HECW2: variants seen among roughly 807,000 people sequenced by gnomAD.
The protein encoded by HECW2 is E3 ubiquitin-protein ligase HECW2.
A neutral mutation model predicts 175.2 loss-of-function variants in HECW2; 61 were observed. That is an observed-to-expected ratio of 0.35 (90% CI 0.28 to 0.43). The LOEUF is 0.43. Among genes scored for constraint, HECW2 ranks in the 20% least tolerant of loss-of-function variants. The pLI, the probability that HECW2 is intolerant of heterozygous loss-of-function variation, is 1.00. For synonymous variants in HECW2, 671 were observed against 731.0 expected (o/e 0.92, Z 1.32); for missense variants, 1,524 against 2,000.5 (o/e 0.76, Z 4.54).
At chr2:196,565,778 A>T (rs1690166274) in intron 1 of HECW2, among the ~76,000 whole-genome samples, 1 of 152,228 alleles carries the variant, frequency 6.6e-6, no homozygotes. Context: ...TGTCTATAAA[A>T]TAATAAAGAA....
chr2:196,297,387 T>C (rs1197041826), intron 13 of HECW2, among the ~76,000 whole-genome samples: 1 of 152,200 alleles, frequency 6.6e-6, no homozygotes, highest in Non-Finnish European at 1.5e-5. Flanking sequence ...AGAACTTAAA[T>C]GTGTTTTTGT....
chr2:196,364,222 C>A (rs118038053), intron 2 of HECW2, among the ~76,000 whole-genome samples: 14 of 152,188 alleles, frequency 9.2e-5, no homozygotes, highest in Admixed American at 5.2e-4. Context: ...GGATTACCCA[C>A]GTATTACCAA....
intron 1 of HECW2, among the ~76,000 whole-genome samples, chr2:196,467,986 G>A (rs1404537904): frequency 6.6e-5 from 10 of 152,088 alleles, no homozygotes; most frequent in African/African-American, 2.2e-4. Context: ...GCCAGTAGCC[G>A]GTAACAACCC....
At chr2:196,531,564 A>C (rs1688840535) in intron 1 of HECW2, among the ~76,000 whole-genome samples, 1 of 151,660 alleles carries the variant, frequency 6.6e-6, no homozygotes, top group Admixed American at 6.6e-5. Context: ...CAGGAGGCTG[A>C]GGCAGGAGAA....
intron 1 of HECW2, among the ~76,000 whole-genome samples, chr2:196,507,122 CAT>C (rs1396723341): frequency 1.3e-4 from 19 of 148,618 alleles, no homozygotes; most frequent in East Asian, 3.9e-4. Flanking sequence ...CACACACTAA[CAT>C]GTGTATATTA....
intron 1 of HECW2, among the ~76,000 whole-genome samples, chr2:196,504,606 T>C (rs1687691507): frequency 6.6e-6 from 1 of 152,194 alleles, no homozygotes; most frequent in African/African-American, 2.4e-5. Flanking sequence ...GTCTACTCTT[T>C]AGAGTTCAGC....
rs1012817854 is a variant in HECW2 at position 196,283,460 on chromosome 2, C to A, written c.3001-4798G>T. On this transcript the variant is annotated intron_variant, in intron 14 of 28. Coordinates refer to ENST00000644978, the MANE Select transcript of HECW2 (RefSeq NM_001348768.2). ...GCACAATCTTGGCTCCCTGCAACCTCTGCCTCCCAGGTTCAAGTGACTCTC... is the reference window on the plus strand; with the variant it reads ...GCACAATCTTGGCTCCCTGCAACCTATGCCTCCCAGGTTCAAGTGACTCTC... Among the ~76,000 whole-genome samples the A allele has an allele frequency of 3.3e-5, 5 of 150,624 alleles. No individual in the cohort carries two copies. The South Asian group carries it at 6.3e-4, about 19-fold the overall frequency.
At chr2:196,324,827 G>C (rs944713392) in intron 6 of HECW2, among the ~76,000 whole-genome samples, 153 bp downstream of exon 6, 6 of 152,132 alleles carry the variant, frequency 3.9e-5, no homozygotes, top group African/African-American at 1.4e-4. Context: ...TGGCTCTGGA[G>C]AGATGGGAAT....
chr2:196,223,511 T>A (rs7585681), intron 23 of HECW2, among the ~76,000 whole-genome samples: 150,815 of 152,338 alleles, frequency 0.99, 74,672 homozygotes, highest in Middle Eastern at 1. Context: ...AAGGCATGGA[T>A]GTGTACAGGA....
Position 196,507,153 on chromosome 2 carries a change from TTA to T in HECW2, c.-35-73697_-35-73696del, listed in dbSNP as rs1280072680. On this transcript the variant is annotated intron_variant, in intron 1 of 28. Coordinates refer to ENST00000644978, the MANE Select transcript of HECW2 (RefSeq NM_001348768.2). ...TATATTACACACGTTAGTGTGTATATTATACACACACTATGTGTATATTACAC... is the reference window on the plus strand; with the variant it reads ...TATATTACACACGTTAGTGTGTATATTACACACACTATGTGTATATTACAC... 1.1e-3 allele frequency among the ~76,000 whole-genome samples: 169 copies of T among 149,240 alleles called. 1 individual carries two copies. Among genetic ancestry groups the T allele is most frequent in the Non-Finnish European group, 1.2e-3 (80 of 66,444 alleles).
At chr2:196,256,059 C>T (rs564734664) in intron 18 of HECW2, among the ~76,000 whole-genome samples, 12 of 152,028 alleles carry the variant, frequency 7.9e-5, no homozygotes, top group South Asian at 4.1e-4. Context: ...GGCAACAGAG[C>T]GAGACTGCAC....
chr2:196,519,110 A>C (rs1229523709), intron 1 of HECW2, among the ~76,000 whole-genome samples: 1 of 152,222 alleles, frequency 6.6e-6, no homozygotes, highest in Admixed American at 6.5e-5. Context: ...ACCTCAGCTC[A>C]TGTCACCTTC....
intron 2 of HECW2, among the ~76,000 whole-genome samples, chr2:196,352,941 C>T (rs1273444836): frequency 6.6e-6 from 1 of 152,202 alleles, no homozygotes; most frequent in Non-Finnish European, 1.5e-5. Flanking sequence ...AAACACACGT[C>T]ACACTGGCAT....
intron 4 of HECW2, among the ~76,000 whole-genome samples, chr2:196,330,483 T>C (rs1692317661): frequency 6.6e-6 from 1 of 152,244 alleles, no homozygotes; most frequent in Non-Finnish European, 1.5e-5. Context: ...ACAAAGATTA[T>C]TTCCTTGAGC....
At chr2:196,491,367 T>TACACAC in intron 1 of HECW2, among the ~76,000 whole-genome samples, 1 of 95,754 alleles carries the variant, frequency 1.0e-5, no homozygotes, top group East Asian at 3.2e-4. Context: ...ATCATATATA[T>TACACAC]ATACACACAC....
At chr2:196,489,602 A>G (rs1687119650) in intron 1 of HECW2, among the ~76,000 whole-genome samples, 1 of 152,208 alleles carries the variant, frequency 6.6e-6, no homozygotes, top group Non-Finnish European at 1.5e-5. Flanking sequence ...AACAGACCAC[A>G]AGCCTGTTTC....
At chr2:196,545,768 T>C (rs550409941) in intron 1 of HECW2, among the ~76,000 whole-genome samples, 1 of 152,328 alleles carries the variant, frequency 6.6e-6, no homozygotes, top group African/African-American at 2.4e-5. Context: ...ATTTCCCCTG[T>C]TCCCAAGTTC....
chr2:196,463,457 A>C (rs907681341), intron 1 of HECW2, among the ~76,000 whole-genome samples: 4 of 152,016 alleles, frequency 2.6e-5, no homozygotes, highest in African/African-American at 9.7e-5. Flanking sequence ...AGAAAAGAAA[A>C]ATTCCAACTG....
intron 13 of HECW2, among the ~76,000 whole-genome samples, chr2:196,301,632 T>A (rs1215341931): frequency 1.3e-5 from 2 of 152,226 alleles, no homozygotes; most frequent in African/African-American, 4.8e-5. Context: ...TGACCAGTAA[T>A]GTTGAGCTTT....
Sources: allele counts gnomAD v4.1 joint callset (sites outside exome capture counted in the v4.1 genomes callset), GRCh38; gene constraint gnomAD v4.1.1; transcripts MANE v1.5; gene names NCBI Gene and HGNC (gene_info 2026-07-23, HGNC 2026-07-21).